The following TNPO2 variants were observed in gnomAD, a reference collection of about 807,000 sequenced individuals.
TNPO2 encodes the protein transportin-2.
TNPO2 carries 16 observed loss-of-function variants against 111.1 expected under a neutral mutation model. The observed-to-expected ratio is 0.14, with a 90% CI of 0.10 to 0.22. TNPO2 has a LOEUF of 0.22. Among genes scored for constraint, TNPO2 ranks in the 10% least tolerant of loss-of-function variants. The pLI is 1.00. For missense variants in TNPO2, 530 were observed against 1,173.7 expected (o/e 0.45, Z 8.01); for synonymous variants, 481 against 475.8 (o/e 1.01, Z -0.14).
rs2026313188 is a variant in TNPO2, at chr19:12,715,541, G to A, written c.433-3C>T. 4 of 1,614,000 alleles carry A rather than the reference G, an allele frequency of 2.5e-6. No homozygotes were observed. The highest frequency in any genetic ancestry group is 3.3e-4 in the Middle Eastern group (2 of 6,062). On this transcript the variant is annotated splice_region_variant and splice_polypyrimidine_tract_variant and intron_variant, in intron 6 of 25. Coordinates refer to ENST00000425528, the MANE Select transcript of TNPO2 (RefSeq NM_001382241.1). This position sits in a 1 kb window ranked among gnomAD's most constrained non-coding sequence, Gnocchi z 7.1. ...TTCTGCAGGGCTCCAAAGGCTCCCT[G>A]AGTGCAGAGGGGCAGAGAGACAAAC...
At position 12,705,703 on chromosome 19, in the gene TNPO2, C is replaced by T. The variant is rs1256380095; in HGVS notation, c.1734G>A (p.Lys578=). The T allele has an allele frequency of 1.3e-6, 2 of 1,514,112 alleles. No homozygotes were observed. The highest frequency in any genetic ancestry group is 2.4e-5 in the East Asian group (1 of 41,756). The allele number at this position is 1,514,112 out of a possible 1,614,324, so 93.8% of individuals were successfully genotyped here. The stretch of plus-strand genomic sequence containing the variant: ...TCACCTCCAGCAGGGGGAAGAGGTC[C>T]TTGTCTTCGTCCTTGAGCTCATTCC... The part of the protein sequence containing the change: ...QKWNELKDED[K]DLFPLLECLS... Residue 578 remains lysine, a synonymous_variant, in exon 16 of 26, where the codon AAG becomes AAA. Coordinates refer to ENST00000425528, the MANE Select transcript of TNPO2 (RefSeq NM_001382241.1). The surrounding 1 kb of genome is among the most constrained non-coding windows in gnomAD (Gnocchi z 7.2).
rs896981302 is a variant in TNPO2 at position 12,723,832 on chromosome 19, G to T, written c.-194C>A. ...TGAAAATCAAGTCCCGGGCCTCCAA[G>T]GTTAGGGAAGTGTCGGCAGGCGCCT... On this transcript the variant is annotated 5_prime_UTR_variant, in exon 1 of 26. Coordinates refer to ENST00000425528, the MANE Select transcript of TNPO2 (RefSeq NM_001382241.1). 2 of 152,218 alleles carry T rather than the reference G, an allele frequency of 1.3e-5. No homozygotes were observed. Among genetic ancestry groups the T allele is most frequent in the Non-Finnish European group, 2.9e-5 (2 of 68,054 alleles). 9.4% of individuals were successfully genotyped at this position (152,218 alleles called of 1,614,324 possible).
chr19:12,700,831 C>T lies in TNPO2; in HGVS notation c.*433G>A, dbSNP rs532343744. On this transcript the variant is annotated 3_prime_UTR_variant, in exon 26 of 26. Coordinates refer to ENST00000425528, the MANE Select transcript of TNPO2 (RefSeq NM_001382241.1). Reference sequence around the variant, plus strand: ...TGGCCCAGCCTCGCCGGTTATGGCACCCGCACATGCGTGTGGCCATGTGTG... The same window carrying T: ...TGGCCCAGCCTCGCCGGTTATGGCATCCGCACATGCGTGTGGCCATGTGTG... 1.7e-3 allele frequency: 267 copies of T among 154,842 alleles called. 3 individuals are homozygous for T. Among genetic ancestry groups the T allele is most frequent in the Middle Eastern group, 3.4e-3 (1 of 298 alleles). The allele number at this position is 154,842 out of a possible 1,614,324, so 9.6% of individuals were successfully genotyped here. A position where few individuals can be genotyped will look rare whatever the true frequency, so the allele number is the denominator to read the frequency against.
Position 12,715,345 on chromosome 19 carries a change from G to A in TNPO2, c.567-21C>T, listed in dbSNP as rs1469876036. The A allele has an allele frequency of 6.2e-7, 1 of 1,613,698 alleles. No individual in the cohort carries two copies. Among genetic ancestry groups the A allele is most frequent in the Middle Eastern group, 1.6e-4 (1 of 6,084 alleles). ...GGGACCTGGCGGGGAGCAGACACGT[G>A]GGTCACCCTGACCCTGCCCACTCCA... On this transcript the variant is annotated intron_variant, in intron 7 of 25. Transcript: ENST00000425528. This position sits in a 1 kb window ranked among gnomAD's most constrained non-coding sequence, Gnocchi z 7.1.
In TNPO2 at chr19:12,711,342, G is replaced by T. The variant is rs770308688; in HGVS notation, c.1071C>A (p.Asp357Glu). The change falls in exon 12 of 26, where the codon GAC becomes GAA. Residue 357 changes from aspartate to glutamate, a missense_variant. This residue lies in a region of TNPO2 where 88 missense variants were observed against 130.2 expected (regional missense o/e 0.68). Coordinates refer to ENST00000425528, the MANE Select transcript of TNPO2 (RefSeq NM_001382241.1). ...CATCATCATCATCGTCATCCTCCGCGTCCTCGGAGCCATCAGGCCGCTCAG... is the reference window on the plus strand; with the variant it reads ...CATCATCATCATCGTCATCCTCCGCTTCCTCGGAGCCATCAGGCCGCTCAG... ...HEAERPDGSE[D>E]AEDDDDDDAL... 6.2e-7 allele frequency: 1 copy of T among 1,613,956 alleles called. No individual in the cohort carries two copies. Among genetic ancestry groups the T allele is most frequent in the South Asian group, 1.1e-5 (1 of 91,078 alleles).
At chr19:12,703,229 A>G (rs1467772290) in intron 20 of TNPO2, among the ~76,000 whole-genome samples, 199 bp downstream of exon 20, 1 of 152,136 alleles carries the variant, frequency 6.6e-6, no homozygotes, top group Admixed American at 6.5e-5. Flanking sequence ...CCAACTACAC[A>G]AAACGGTCCA....
intron 13 of TNPO2, among the ~76,000 whole-genome samples, chr19:12,709,883 A>G (rs1304843871): frequency 6.6e-6 from 1 of 152,162 alleles, no homozygotes; most frequent in Non-Finnish European, 1.5e-5. Flanking sequence ...CCTCCTGAGT[A>G]GCTGGGATTA....
rs900582350 is a variant in TNPO2, at chr19:12,702,312, C to T, written c.2306-135G>A. ...CCCAAGCTTGGCCCAGCCAGGGGTC[C>T]TCCTCATCACACCTGAGTCACTTCC... On this transcript the variant is annotated intron_variant, in intron 21 of 25. Transcript: ENST00000425528. This position sits in a 1 kb window ranked among gnomAD's most constrained non-coding sequence, Gnocchi z 5.5. The T allele has an allele frequency of 2.8e-6, 2 of 711,636 alleles. No individual in the cohort carries two copies. Among genetic ancestry groups the T allele is most frequent in the African/African-American group, 1.8e-5 (1 of 56,668 alleles). The allele number at this position is 711,636 out of a possible 1,614,324, so 44.1% of individuals were successfully genotyped here.
chr19:12,701,629 G>A lies in TNPO2; in HGVS notation c.2555C>T (p.Pro852Leu), dbSNP rs1322006972. 11 of 1,613,612 alleles carry A rather than the reference G, an allele frequency of 6.8e-6. No individual in the cohort carries two copies. Among genetic ancestry groups the A allele is most frequent in the East Asian group, 2.2e-5 (1 of 44,868 alleles). The part of the protein sequence containing the change: ...FCDAVASWVS[P>L]KDDLRDMFYK... Reference sequence around the variant, plus strand: ...AAACATGTCCCGAAGGTCATCCTTCGGGCTCACCCAGGAGGCTACAGCATC... The same window carrying A: ...AAACATGTCCCGAAGGTCATCCTTCAGGCTCACCCAGGAGGCTACAGCATC... Residue 852 changes from proline (P) to leucine (L), a missense_variant, in exon 24 of 26, where the codon CCG becomes CTG. Pro to Leu is a moderately conservative substitution (Grantham distance 98, BLOSUM62 -3). This residue lies in a region of TNPO2 where 103 missense variants were observed against 156.7 expected (regional missense o/e 0.66). Coordinates refer to ENST00000425528, the MANE Select transcript of TNPO2 (RefSeq NM_001382241.1). The surrounding 1 kb of genome is among the most constrained non-coding windows in gnomAD (Gnocchi z 5.0).
At position 12,719,455 on chromosome 19, in the gene TNPO2, G is replaced by A. The variant is rs531812190; in HGVS notation, c.100-119C>T. ...AGGCTGCCAGCTCCTGGGGGATCCC[G>A]CTCCCTAATAAGCCCACAATGACAC... On this transcript the variant is annotated intron_variant, in intron 3 of 25. Coordinates refer to ENST00000425528, the MANE Select transcript of TNPO2 (RefSeq NM_001382241.1). This position sits in a 1 kb window ranked among gnomAD's most constrained non-coding sequence, Gnocchi z 5.0. 2.2e-5 allele frequency: 18 copies of A among 813,564 alleles called. No individual in the cohort carries two copies. Among genetic ancestry groups the A allele is most frequent in the Middle Eastern group, 5.9e-4 (2 of 3,362 alleles). The allele number at this position is 813,564 out of a possible 1,614,324, so 50.4% of individuals were successfully genotyped here.
rs1568328929 is a variant in TNPO2, at chr19:12,699,315, AG to A, written c.*1948del. 1 of 429,208 alleles carries A rather than the reference AG, an allele frequency of 2.3e-6. No homozygotes were observed. Among genetic ancestry groups the A allele is most frequent in the Admixed American group, 2.5e-5 (1 of 39,244 alleles). The allele number at this position is 429,208 out of a possible 1,614,324, so 26.6% of individuals were successfully genotyped here. A position where few individuals can be genotyped will look rare whatever the true frequency, so the allele number is the denominator to read the frequency against. ...CAAATGGACAGACCCGGGAGCCCGC[AG>A]GGGGAAGAGGGTGAGGAGGGAAAGA... On this transcript the variant is annotated 3_prime_UTR_variant, in exon 26 of 26. Coordinates refer to ENST00000425528, the MANE Select transcript of TNPO2 (RefSeq NM_001382241.1).
chr19:12,715,227 C>T lies in TNPO2; in HGVS notation c.648+16G>A, dbSNP rs368534315. 17 of 1,613,830 alleles carry T rather than the reference C, an allele frequency of 1.1e-5. No individual in the cohort carries two copies. The highest frequency in any genetic ancestry group is 1.6e-4 in the Middle Eastern group (1 of 6,062). ...CCTCAGTCCTCGCCCTGCCCACCCC[C>T]AGCCCAGCGGCCCACCTCGATGAAG... On this transcript the variant is annotated intron_variant, in intron 8 of 25. Transcript: ENST00000425528. The surrounding 1 kb of genome is among the most constrained non-coding windows in gnomAD (Gnocchi z 7.1).
At chr19:12,703,242 C>T (rs1476205481) in intron 20 of TNPO2, among the ~76,000 whole-genome samples, 186 bp downstream of exon 20, 1 of 152,196 alleles carries the variant, frequency 6.6e-6, no homozygotes, top group Non-Finnish European at 1.5e-5. Flanking sequence ...ACGGTCCAAT[C>T]AGAACAGCCC....
At position 12,706,890 on chromosome 19, in the gene TNPO2, A is replaced by G. The variant is rs1351627022; in HGVS notation, c.1271-95T>C. On this transcript the variant is annotated intron_variant, in intron 13 of 25. Coordinates refer to ENST00000425528, the MANE Select transcript of TNPO2 (RefSeq NM_001382241.1). This position sits in a 1 kb window ranked among gnomAD's most constrained non-coding sequence, Gnocchi z 7.0. ...AGTCAGCCGCACACAACATATAGGG[A>G]AACTGAGGCTTAGAGTTTAAATCAC... 2 of 1,039,854 alleles carry G rather than the reference A, an allele frequency of 1.9e-6. No homozygotes were observed. Among genetic ancestry groups the G allele is most frequent in the Non-Finnish European group, 2.9e-6 (2 of 699,584 alleles). 64.4% of individuals were successfully genotyped at this position (1,039,854 alleles called of 1,614,324 possible). A position where few individuals can be genotyped will look rare whatever the true frequency, so the allele number is the denominator to read the frequency against.
At chr19:12,717,989 A>AT (rs1004461702) in intron 5 of TNPO2, among the ~76,000 whole-genome samples, 3 of 151,368 alleles carry the variant, frequency 2.0e-5, no homozygotes, top group Admixed American at 6.6e-5. Context: ...GCCAGAAGTC[A>AT]TTTTTTTTGT....
In TNPO2 at chr19:12,706,919, C is replaced by T. The variant is rs2025708927; in HGVS notation, c.1271-124G>A. On this transcript the variant is annotated intron_variant, in intron 13 of 25. Coordinates refer to ENST00000425528, the MANE Select transcript of TNPO2 (RefSeq NM_001382241.1). The surrounding 1 kb of genome is among the most constrained non-coding windows in gnomAD (Gnocchi z 7.0). Reference sequence around the variant, plus strand: ...TGAGGCTTAGAGTTTAAATCACTGGCCCAGACTCATTTCACAGAGCCAGGT... The same window carrying T: ...TGAGGCTTAGAGTTTAAATCACTGGTCCAGACTCATTTCACAGAGCCAGGT... 1 of 805,010 alleles carries T rather than the reference C, an allele frequency of 1.2e-6. No individual in the cohort carries two copies. The highest frequency in any genetic ancestry group is 2.4e-5 in the Admixed American group (1 of 41,300). The allele number at this position is 805,010 out of a possible 1,614,324, so 49.9% of individuals were successfully genotyped here.
intron 13 of TNPO2, 119 bp downstream of exon 13, chr19:12,710,502 G>A: frequency 8.4e-7 from 1 of 1,195,942 alleles, no homozygotes; most frequent in Non-Finnish European, 1.2e-6. Flanking sequence ...AGATCTCAGA[G>A]CTGTTTGGAG....
In TNPO2 at chr19:12,703,739, G is replaced by A; in HGVS notation, c.2085C>T (p.Cys695=). ...CGATACAGGGCTTGACATGGATGAA[G>A]CAGGCTTTGGTGAGGTCTCCCAGGA... ...FALLGDLTKA[C]FIHVKPCIAE... The change falls in exon 19 of 26, where the codon TGC becomes TGT. Residue 695 remains cysteine (C), a synonymous_variant. Transcript: ENST00000425528. 6.2e-7 allele frequency: 1 copy of A among 1,608,186 alleles called. No homozygotes were observed. Among genetic ancestry groups the A allele is most frequent in the South Asian group, 1.1e-5 (1 of 90,036 alleles).
chr19:12,703,902 T>C, intron 18 of TNPO2, 101 bp from the exon 19 acceptor site: 5 of 1,073,148 alleles, frequency 4.7e-6, no homozygotes, highest in Non-Finnish European at 5.3e-6. Flanking sequence ...TCTGCCACTT[T>C]CCAGTTCTAG....
Sources: gnomAD v4.1 joint callset for allele counts (sites outside exome capture counted in the v4.1 genomes callset) on GRCh38, gnomAD v4.1.1 for gene constraint, gnomAD v4.1.1 regional missense constraint, Gnocchi (gnomAD v3.1) non-coding constraint, MANE v1.5 for transcripts, NCBI Gene and HGNC (gene_info 2026-07-23, HGNC 2026-07-21) for gene names.